ROBO1: variants seen among roughly 807,000 people sequenced by gnomAD.
ROBO1 encodes the protein roundabout homolog 1.
A neutral mutation model predicts 195.9 loss-of-function variants in ROBO1; 149 were observed. The ratio of observed to expected loss-of-function variants is 0.76; its 90% CI spans 0.67 to 0.87. The LOEUF is 0.87. Among genes scored for constraint, ROBO1 ranks in the 40% least tolerant of loss-of-function variants. ROBO1 has a pLI of 0.00. For synonymous variants in ROBO1, 816 were observed against 733.2 expected, an observed-to-expected ratio of 1.11 and a Z score of -1.82; for missense variants, 1,933 against 2,068.3, an observed-to-expected ratio of 0.93 and a Z score of 1.27.
At chr3:79,226,543 C>CTTT (rs112824317) in intron 2 of ROBO1, among the ~76,000 whole-genome samples, 9 of 135,726 alleles carry the variant, frequency 6.6e-5, no homozygotes, top group Non-Finnish European at 1.1e-4. Flanking sequence ...TTCTTTCTTT[C>CTTT]TTTTTTTTTT....
intron 3 of ROBO1, among the ~76,000 whole-genome samples, chr3:79,012,419 C>T (rs562493759): frequency 1.3e-5 from 2 of 152,310 alleles, no homozygotes; most frequent in East Asian, 3.9e-4. Flanking sequence ...TTAGTCTCAT[C>T]TTGTGACCCT....
intron 15 of ROBO1, 23 bp downstream of exon 15, chr3:78,661,970 G>T (rs370406327): frequency 6.2e-7 from 1 of 1,602,038 alleles, no homozygotes; most frequent in Non-Finnish European, 8.5e-7. Context: ...TTAAAACTGA[G>T]ATCAAATATT....
chr3:79,088,936 A>T (rs1409009090), intron 3 of ROBO1, among the ~76,000 whole-genome samples: 1 of 152,094 alleles, frequency 6.6e-6, no homozygotes. Flanking sequence ...ATTGGGAAAA[A>T]CTAGAGTAAA....
chr3:79,370,733 G>A (rs938857660), intron 2 of ROBO1, among the ~76,000 whole-genome samples: 1 of 151,694 alleles, frequency 6.6e-6, no homozygotes, highest in African/African-American at 2.4e-5. Flanking sequence ...TTGTTACATA[G>A]ATATATACAT....
intron 2 of ROBO1, among the ~76,000 whole-genome samples, chr3:79,310,273 A>G (rs1289976560): frequency 6.6e-6 from 1 of 152,206 alleles, no homozygotes; most frequent in East Asian, 1.9e-4. Context: ...AAAGCTGCTC[A>G]TCTGGTTGGC....
intron 2 of ROBO1, among the ~76,000 whole-genome samples, chr3:79,465,187 A>C (rs377467232): frequency 2.6e-5 from 4 of 152,170 alleles, no homozygotes; most frequent in East Asian, 3.9e-4. Flanking sequence ...TACTGAGGTT[A>C]TCTTTATCTG....
intron 2 of ROBO1, among the ~76,000 whole-genome samples, chr3:79,328,624 T>G (rs1290561979): frequency 6.6e-6 from 1 of 152,138 alleles, no homozygotes; most frequent in Non-Finnish European, 1.5e-5. Flanking sequence ...TCAGATTATA[T>G]TTTTTAAAAA....
chr3:78,706,966 T>C (rs1575981391), intron 8 of ROBO1, among the ~76,000 whole-genome samples: 2 of 152,276 alleles, frequency 1.3e-5, no homozygotes, highest in East Asian at 3.9e-4. Context: ...CAGCTTCTGA[T>C]GTCTGGTCTG....
intron 2 of ROBO1, among the ~76,000 whole-genome samples, chr3:79,358,900 T>G (rs1021975909): frequency 6.6e-6 from 1 of 152,014 alleles, no homozygotes; most frequent in Non-Finnish European, 1.5e-5. Context: ...TCCTGAATAT[T>G]TTTTGGCCAC....
intron 2 of ROBO1, among the ~76,000 whole-genome samples, chr3:79,579,034 C>A (rs1943578968): frequency 6.6e-6 from 1 of 152,020 alleles, no homozygotes; most frequent in Non-Finnish European, 1.5e-5. Context: ...ATACAAAGAC[C>A]CTTCCTTAAA....
chr3:79,466,521 T>C lies in ROBO1; in HGVS notation c.88+123303A>G, dbSNP rs534708487. Among the ~76,000 whole-genome samples the C allele has an allele frequency of 2.6e-5, 4 of 152,274 alleles. No individual in the cohort carries two copies. The East Asian group carries it at 5.8e-4, about 22-fold the overall frequency. ...GTACAATGAAGCTCAATAATTATTGTTAAATTACAAGAAGAGTTCTATCAG... is the reference window on the plus strand; with the variant it reads ...GTACAATGAAGCTCAATAATTATTGCTAAATTACAAGAAGAGTTCTATCAG... On this transcript the variant is annotated intron_variant, in intron 2 of 30. Transcript: ENST00000464233.
chr3:79,380,336 C>T (rs984211286), intron 2 of ROBO1, among the ~76,000 whole-genome samples: 2 of 152,050 alleles, frequency 1.3e-5, no homozygotes, highest in Non-Finnish European at 2.9e-5. Flanking sequence ...CCTCTTTTTC[C>T]CTTGTCTGTT....
chr3:78,804,080 C>T (rs333484), intron 4 of ROBO1, among the ~76,000 whole-genome samples: 152,246 of 152,290 alleles, frequency 1, 76,101 homozygotes, highest in Middle Eastern at 1. Flanking sequence ...TCAGATTTAA[C>T]TGAAGCTAAC....
chr3:78,614,563 G>A (rs1260714266), intron 28 of ROBO1, 85 bp downstream of exon 28: 32 of 1,374,730 alleles, frequency 2.3e-5, no homozygotes, highest in African/African-American at 7.2e-5. Flanking sequence ...AATTTCTAAC[G>A]TCAGTGAATG....
chr3:78,980,777 C>T (rs2076974356), intron 3 of ROBO1, among the ~76,000 whole-genome samples: 1 of 152,052 alleles, frequency 6.6e-6, no homozygotes, highest in Admixed American at 6.6e-5. Flanking sequence ...CCTCAAAACA[C>T]TTCAGTCCAT....
intron 5 of ROBO1, among the ~76,000 whole-genome samples, chr3:78,726,102 G>A (rs997501591): frequency 7.9e-5 from 12 of 151,936 alleles, no homozygotes; most frequent in Non-Finnish European, 1.2e-4. Context: ...AAACAAAACC[G>A]CTAATTATAT....
At chr3:79,640,335 T>TTGCCTGCCACCATTCTCTCC (rs1945621142) in intron 1 of ROBO1, among the ~76,000 whole-genome samples, 1 of 152,136 alleles carries the variant, frequency 6.6e-6, no homozygotes, top group Non-Finnish European at 1.5e-5. Context: ...CCTCTCTCTC[T>TTGCCTGCCACCATTCTCTCC]TGCCTGCCAC....
At chr3:79,132,812 C>T (rs1267286709) in intron 2 of ROBO1, among the ~76,000 whole-genome samples, 1 of 35,418 alleles carries the variant, frequency 2.8e-5, no homozygotes, top group African/African-American at 1.5e-4. Context: ...GATTTTGCAG[C>T]GGCTGGTACC....
At chr3:79,263,485 CA>C (rs1020898853) in intron 2 of ROBO1, among the ~76,000 whole-genome samples, 3 of 151,780 alleles carry the variant, frequency 2.0e-5, no homozygotes, top group African/African-American at 7.2e-5. Context: ...CCTGTCTCTA[CA>C]AAAAAAATTA....
Sources: allele counts gnomAD v4.1 joint callset (sites outside exome capture counted in the v4.1 genomes callset), GRCh38; gene constraint gnomAD v4.1.1; transcripts MANE v1.5; gene names NCBI Gene and HGNC (gene_info 2026-07-23, HGNC 2026-07-21).